FBXO22: variants seen among roughly 807,000 people sequenced by gnomAD.
FBXO22 encodes the protein F-box protein 22.
A neutral mutation model predicts 37.2 loss-of-function variants in FBXO22; 13 were observed. The observed-to-expected ratio is 0.35, with a 90% CI of 0.23 to 0.56. The LOEUF is 0.56. FBXO22 is among the 20% of genes least tolerant of loss of function. FBXO22 has a pLI of 0.87. For missense variants in FBXO22, 446 were observed against 509.9 expected, an observed-to-expected ratio of 0.87 and a Z score of 1.21; for synonymous variants, 189 against 189.1, an observed-to-expected ratio of 1.00 and a Z score of 0.00.
chr15:75,942,300 A>G lies in FBXO22; in HGVS notation c.*9198A>G, dbSNP rs552648245. The stretch of plus-strand genomic sequence containing the variant: ...CAACAAAAAGAGGACCCTTCATGTA[A>G]ATTACAGGCTTCAGCTAGCCTGGAT... On this transcript the variant is annotated 3_prime_UTR_variant, in exon 7 of 7. Transcript: ENST00000308275. 1 of 152,316 alleles carries G rather than the reference A, an allele frequency of 6.6e-6. No individual in the cohort carries two copies. The highest frequency in any genetic ancestry group is 2.1e-4 in the South Asian group (1 of 4,826). 9.4% of individuals were successfully genotyped at this position (152,316 alleles called of 1,614,324 possible).
At chr15:75,931,514 A>T (rs775458719) in intron 6 of FBXO22, among the ~76,000 whole-genome samples, 1 of 152,242 alleles carries the variant, frequency 6.6e-6, no homozygotes, top group African/African-American at 2.4e-5. Context: ...AGAGCAGCAG[A>T]GGACTTCAGA....
intron 1 of FBXO22, 193 bp downstream of exon 1, chr15:75,904,296 C>T (rs1899869175): frequency 2.8e-6 from 3 of 1,076,186 alleles, no homozygotes; most frequent in South Asian, 3.3e-5. Flanking sequence ...CCCTGAGGGG[C>T]GAAGTTCCCC....
Position 75,933,377 on chromosome 15 carries a change from CA to C in FBXO22, c.*276del. The C allele has an allele frequency of 2.7e-6, 1 of 373,324 alleles. No individual in the cohort carries two copies. Among genetic ancestry groups the C allele is most frequent in the Non-Finnish European group, 4.9e-6 (1 of 205,314 alleles). The allele number at this position is 373,324 out of a possible 1,614,324, so 23.1% of individuals were successfully genotyped here. On this transcript the variant is annotated 3_prime_UTR_variant, in exon 7 of 7. Coordinates refer to ENST00000308275, the MANE Select transcript of FBXO22 (RefSeq NM_147188.3). ...ACCAGATCATGTAGCTGCTGTGTAA[CA>C]TGACCTTAAATAGTCTTCCTGCATA...
chr15:75,904,250 G>C, intron 1 of FBXO22, 147 bp downstream of exon 1: 1 of 1,228,968 alleles, frequency 8.1e-7, no homozygotes. Flanking sequence ...CCCTACCCGC[G>C]AGGTATCTCC....
At position 75,938,356 on chromosome 15, in the gene FBXO22, A is replaced by G. The variant is rs1173785466; in HGVS notation, c.*5254A>G. On this transcript the variant is annotated 3_prime_UTR_variant, in exon 7 of 7. Transcript: ENST00000308275. ...TCATACCTAGAGTTACCATATTATA[A>G]TAGTGAATATCCAACTCTCAAGGAA... is the stretch of plus-strand genomic sequence containing the variant. 5 of 152,350 alleles carry G rather than the reference A, an allele frequency of 3.3e-5. No individual in the cohort carries two copies. The East Asian group carries it at 9.6e-4, about 29-fold the overall frequency. 9.4% of individuals were successfully genotyped at this position (152,350 alleles called of 1,614,324 possible). A position where few individuals can be genotyped will look rare whatever the true frequency, so the allele number is the denominator to read the frequency against.
chr15:75,933,363 T>C lies in FBXO22; in HGVS notation c.*261T>C. On this transcript the variant is annotated 3_prime_UTR_variant, in exon 7 of 7. Coordinates refer to ENST00000308275, the MANE Select transcript of FBXO22 (RefSeq NM_147188.3). The stretch of plus-strand genomic sequence containing the variant: ...TATAGTTGTGTTGCACCAGATCATG[T>C]AGCTGCTGTGTAACATGACCTTAAA... 1 of 402,102 alleles carries C rather than the reference T, an allele frequency of 2.5e-6. No individual in the cohort carries two copies. The highest frequency in any genetic ancestry group is 2.8e-5 in the South Asian group (1 of 35,100). The allele number at this position is 402,102 out of a possible 1,614,324, so 24.9% of individuals were successfully genotyped here.
chr15:75,903,890 C>A lies in FBXO22; in HGVS notation c.-74C>A. On this transcript the variant is annotated 5_prime_UTR_variant, in exon 1 of 7. Transcript: ENST00000308275. ...CGGACGCCTGCTCAGTGCGCGCCGGCCGGGCAACCCTATGCTGGCGTAATC... is the reference window on the plus strand; with the variant it reads ...CGGACGCCTGCTCAGTGCGCGCCGGACGGGCAACCCTATGCTGGCGTAATC... 1 of 1,398,610 alleles carries A rather than the reference C, an allele frequency of 7.1e-7. No individual in the cohort carries two copies. The highest frequency in any genetic ancestry group is 2.7e-5 in the East Asian group (1 of 36,536). The allele number at this position is 1,398,610 out of a possible 1,614,324, so 86.6% of individuals were successfully genotyped here.
rs1450861265 is a variant in FBXO22 at position 75,937,634 on chromosome 15, G to GTGAC, written c.*4534_*4537dup. The GTGAC allele has an allele frequency of 7.0e-6, 1 of 142,244 alleles. No individual in the cohort carries two copies. Among genetic ancestry groups the GTGAC allele is most frequent in the Admixed American group, 6.9e-5 (1 of 14,564 alleles). 8.8% of individuals were successfully genotyped at this position (142,244 alleles called of 1,614,324 possible). ...ATCTGCAGAATGGTAGGAAAATATT[G>GTGAC]TGACTTTTTAGTGGCTCTTGCCCGA... On this transcript the variant is annotated 3_prime_UTR_variant, in exon 7 of 7. Coordinates refer to ENST00000308275, the MANE Select transcript of FBXO22 (RefSeq NM_147188.3).
At chr15:75,930,149 T>C in intron 6 of FBXO22, 100 bp downstream of exon 6, 1 of 1,583,728 alleles carries the variant, frequency 6.3e-7, no homozygotes. Flanking sequence ...GTTTAAAGAA[T>C]TATTAAGATA....
chr15:75,931,648 G>T (rs570341945), intron 6 of FBXO22, among the ~76,000 whole-genome samples: 1 of 152,128 alleles, frequency 6.6e-6, no homozygotes, highest in Non-Finnish European at 1.5e-5. Context: ...TATAGATTCA[G>T]ATGTTGGAAG....
chr15:75,909,244 T>C (rs920475406), intron 2 of FBXO22, among the ~76,000 whole-genome samples: 1 of 152,204 alleles, frequency 6.6e-6, no homozygotes, highest in Non-Finnish European at 1.5e-5. Context: ...GGATGTTGCA[T>C]CTGAGGTCCA....
intron 2 of FBXO22, among the ~76,000 whole-genome samples, chr15:75,908,856 T>A (rs921871795): frequency 6.6e-6 from 1 of 152,248 alleles, no homozygotes; most frequent in Non-Finnish European, 1.5e-5. Context: ...AAATGCTGTG[T>A]GGACCAAGGA....
At chr15:75,910,594 C>T (rs912743338) in intron 2 of FBXO22, among the ~76,000 whole-genome samples, 6 of 152,132 alleles carry the variant, frequency 3.9e-5, no homozygotes, top group African/African-American at 9.7e-5. Flanking sequence ...TCATATCCCT[C>T]GCCCACTTTT....
intron 4 of FBXO22, among the ~76,000 whole-genome samples, chr15:75,915,505 C>G (rs1335210756): frequency 6.6e-6 from 1 of 152,034 alleles, no homozygotes; most frequent in African/African-American, 2.4e-5. Context: ...GTGGCTGACA[C>G]CTGTAATCCC....
chr15:75,937,021 TGAG>T lies in FBXO22; in HGVS notation c.*3923_*3925del, dbSNP rs1162419180. 14 of 151,970 alleles carry T rather than the reference TGAG, an allele frequency of 9.2e-5. No individual in the cohort carries two copies. In the South Asian group the frequency reaches 1.2e-3, roughly 14 times the overall value. 9.4% of individuals were successfully genotyped at this position (151,970 alleles called of 1,614,324 possible). A position where few individuals can be genotyped will look rare whatever the true frequency, so the allele number is the denominator to read the frequency against. Reference sequence around the variant, plus strand: ...TGCTTTTAAATGCAAATTATCAGATTGAGGAGAATTTTGAGACCATTGACATTT... The same window carrying T: ...TGCTTTTAAATGCAAATTATCAGATTGAGAATTTTGAGACCATTGACATTT... On this transcript the variant is annotated 3_prime_UTR_variant, in exon 7 of 7. Coordinates refer to ENST00000308275, the MANE Select transcript of FBXO22 (RefSeq NM_147188.3).
Position 75,941,737 on chromosome 15 carries a change from G to GT in FBXO22, c.*8639dup, listed in dbSNP as rs1448393050. ...AGAGACAAAGTAGAACAAAGATTAC[G>GT]TTTTGTCACAGGGAGCAGGAGGGAA... On this transcript the variant is annotated 3_prime_UTR_variant, in exon 7 of 7. Transcript: ENST00000308275. The GT allele has an allele frequency of 6.6e-6, 1 of 152,070 alleles. No individual in the cohort carries two copies. Among genetic ancestry groups the GT allele is most frequent in the East Asian group, 1.9e-4 (1 of 5,186 alleles). 9.4% of individuals were successfully genotyped at this position (152,070 alleles called of 1,614,324 possible).
At chr15:75,904,469 C>A in intron 1 of FBXO22, 22 bp from the exon 2 acceptor site, 1 of 1,613,566 alleles carries the variant, frequency 6.2e-7, no homozygotes, top group African/African-American at 1.3e-5. Flanking sequence ...GTTCGCAATC[C>A]TTTGTGCGTT....
At chr15:75,908,997 C>CT (rs893537467) in intron 2 of FBXO22, among the ~76,000 whole-genome samples, 39 of 151,834 alleles carry the variant, frequency 2.6e-4, no homozygotes, top group Middle Eastern at 3.5e-3. Context: ...AATGGACCAA[C>CT]TTTTTTTTTC....
At chr15:75,929,165 G>A (rs538199048) in intron 5 of FBXO22, among the ~76,000 whole-genome samples, 1 of 152,216 alleles carries the variant, frequency 6.6e-6, no homozygotes, top group Non-Finnish European at 1.5e-5. Flanking sequence ...TTCTGCTTCT[G>A]TGGTCACACT....
Sources: gnomAD v4.1 joint callset for allele counts (sites outside exome capture counted in the v4.1 genomes callset) on GRCh38, gnomAD v4.1.1 for gene constraint, MANE v1.5 for transcripts, NCBI Gene and HGNC (gene_info 2026-07-23, HGNC 2026-07-21) for gene names.